The following KIF19 variants were observed in gnomAD, a reference collection of about 807,000 sequenced individuals.
The protein encoded by KIF19 is kinesin-like protein KIF19.
A neutral mutation model predicts 106.6 loss-of-function variants in KIF19; 98 were observed. The ratio of observed to expected loss-of-function variants is 0.92; its 90% CI spans 0.78 to 1.09. The LOEUF is 1.09. Among genes scored for constraint, KIF19 ranks in the 50% least tolerant of loss-of-function variants. KIF19 has a pLI of 0.00. For missense variants in KIF19, 1,373 were observed against 1,414.3 expected (o/e 0.97, Z 0.47); for synonymous variants, 516 against 584.2 (o/e 0.88, Z 1.68).
In KIF19 at chr17:74,350,524, G is replaced by C; in HGVS notation, c.1337G>C (p.Arg446Pro). ...VRRRLLELEN[R>P]AMEVQIDTSR... Reference sequence around the variant, plus strand: ...AGGCGCCTGCTGGAGCTGGAGAACCGCGCCATGGAGGTCCAGATTGACACC... The same window carrying C: ...AGGCGCCTGCTGGAGCTGGAGAACCCCGCCATGGAGGTCCAGATTGACACC... Residue 446 changes from arginine to proline, a missense_variant, in exon 11 of 20, where the codon CGC becomes CCC. Physicochemically the swap from Arg to Pro is moderately radical, Grantham distance 103. This residue lies in a region of KIF19 where 1,020 missense variants were observed against 1,008.2 expected (regional missense o/e 1.01). Coordinates refer to ENST00000389916, the MANE Select transcript of KIF19 (RefSeq NM_153209.4). 6.2e-7 allele frequency: 1 copy of C among 1,612,890 alleles called. No individual in the cohort carries two copies. Among genetic ancestry groups the C allele is most frequent in the Non-Finnish European group, 8.5e-7 (1 of 1,179,842 alleles).
At chr17:74,353,930 C>A (rs970044783) in intron 17 of KIF19, among the ~76,000 whole-genome samples, 3 of 152,194 alleles carry the variant, frequency 2.0e-5, no homozygotes, top group African/African-American at 7.2e-5. Flanking sequence ...TAGGTTGAGC[C>A]CATTTCCTCA....
rs762614044 is a variant in KIF19, at chr17:74,346,353, C to T, written c.778-25C>T. ...CAGTCCCCTGCCTCATCAGGCCACACGTGTGCCCTTTGCTCGCCCCCTAGA... is the reference window on the plus strand; with the variant it reads ...CAGTCCCCTGCCTCATCAGGCCACATGTGTGCCCTTTGCTCGCCCCCTAGA... On this transcript the variant is annotated intron_variant, in intron 7 of 19. Transcript: ENST00000389916. This position sits in a 1 kb window ranked among gnomAD's most constrained non-coding sequence, Gnocchi z 4.6. 8.7e-5 allele frequency: 136 copies of T among 1,561,654 alleles called. No individual in the cohort carries two copies. Among genetic ancestry groups the T allele is most frequent in the Non-Finnish European group, 1.1e-4 (129 of 1,153,116 alleles).
chr17:74,328,411 GT>G lies in KIF19; in HGVS notation c.40-10del. 6.2e-7 allele frequency: 1 copy of G among 1,600,390 alleles called. No homozygotes were observed. The highest frequency in any genetic ancestry group is 8.5e-7 in the Non-Finnish European group (1 of 1,174,700). ...CTCTCCCTCTAATCCCAGGGGCTTG[GT>G]TTTCCCTCCCAGGTGGCGCTTCGGG... On this transcript the variant is annotated splice_polypyrimidine_tract_variant and intron_variant, in intron 1 of 19. Coordinates refer to ENST00000389916, the MANE Select transcript of KIF19 (RefSeq NM_153209.4).
chr17:74,354,648 C>T, intron 18 of KIF19, 89 bp downstream of exon 18: 4 of 1,533,506 alleles, frequency 2.6e-6, no homozygotes, highest in Non-Finnish European at 3.5e-6. Flanking sequence ...TCCAGGGCAC[C>T]TCTAGCCTAC....
rs762571318 is a variant in KIF19 at position 74,344,742 on chromosome 17, TCTC to T, written c.583-14_583-12del. The T allele has an allele frequency of 5.0e-6, 8 of 1,593,636 alleles. No homozygotes were observed. In the South Asian group the frequency reaches 8.9e-5, roughly 18 times the overall value. On this transcript the variant is annotated splice_polypyrimidine_tract_variant and intron_variant, in intron 6 of 19. Transcript: ENST00000389916. ...CCTACGGCAGTCGCTAAGAGCTGCC[TCTC>T]CTCCCTCCCACCCAGATCATGCAGC...
Position 74,344,928 on chromosome 17 carries a change from C to A in KIF19, c.750C>A (p.Asp250Glu). The A allele has an allele frequency of 6.2e-7, 1 of 1,609,746 alleles. No homozygotes were observed. The highest frequency in any genetic ancestry group is 1.3e-5 in the African/African-American group (1 of 75,036). ...GGCAGGGCCGCCTGTTCATGATCGA[C>A]CTGGCTGGCTCAGAGCGCGCCTCGC... is the stretch of plus-strand genomic sequence containing the variant. ...EVRQGRLFMI[D>E]LAGSERASQT... The change falls in exon 7 of 20, where the codon GAC (aspartate) becomes GAA (glutamate). Residue 250 changes from aspartate (D) to glutamate (E), a missense_variant. Transcript: ENST00000389916.
chr17:74,330,563 ACT>A (rs547807959), intron 2 of KIF19, among the ~76,000 whole-genome samples: 2 of 151,710 alleles, frequency 1.3e-5, no homozygotes, highest in Non-Finnish European at 2.9e-5. Flanking sequence ...GACAATGCTG[ACT>A]CTCTCTCTGC....
chr17:74,335,677 G>T (rs1477518420), intron 2 of KIF19, among the ~76,000 whole-genome samples: 1 of 152,278 alleles, frequency 6.6e-6, no homozygotes, highest in Non-Finnish European at 1.5e-5. Context: ...TGCAGCAGCA[G>T]ATGGGCTTGG....
At chr17:74,349,074 T>A in intron 9 of KIF19, 110 bp from the exon 10 acceptor site, 1 of 1,082,094 alleles carries the variant, frequency 9.2e-7, no homozygotes, top group Non-Finnish European at 1.4e-6. Context: ...GCCATTACTG[T>A]CACCCAGAAA....
chr17:74,352,805 G>A lies in KIF19; in HGVS notation c.1981-16G>A, dbSNP rs559101964. ...CCAAATCTTCTAACTGTCCACCCTG[G>A]CTCCCTCCTCCCCAGGACAGCTCCT... On this transcript the variant is annotated splice_polypyrimidine_tract_variant and intron_variant, in intron 14 of 19. Transcript: ENST00000389916. The A allele has an allele frequency of 6.2e-7, 1 of 1,613,772 alleles. No homozygotes were observed. The highest frequency in any genetic ancestry group is 1.7e-5 in the Admixed American group (1 of 60,016).
In KIF19 at chr17:74,346,798, A is replaced by AC. The variant is rs1285649246; in HGVS notation, c.924+279dup. ...ATGGGAAGGAAAAGGAGCACGTGAT[A>AC]CCCCCACCCAGGGCTGTGGGTCAGA... On this transcript the variant is annotated intron_variant, in intron 8 of 19. Transcript: ENST00000389916. This position sits in a 1 kb window ranked among gnomAD's most constrained non-coding sequence, Gnocchi z 4.6. 6.6e-6 allele frequency among the ~76,000 whole-genome samples: 1 copy of AC among 152,156 alleles called. No individual in the cohort carries two copies. The highest frequency in any genetic ancestry group is 1.5e-5 in the Non-Finnish European group (1 of 68,026).
chr17:74,345,581 G>A (rs903201416), intron 7 of KIF19, among the ~76,000 whole-genome samples: 1 of 150,522 alleles, frequency 6.6e-6, no homozygotes, highest in East Asian at 2.0e-4. Flanking sequence ...GCTGGTGTAG[G>A]TCTGGGCTCC....
intron 14 of KIF19, 126 bp from the exon 15 acceptor site, chr17:74,352,695 C>T: frequency 8.3e-7 from 1 of 1,204,718 alleles, no homozygotes; most frequent in Non-Finnish European, 1.2e-6. Context: ...AACACAAGCC[C>T]ACTGCCCTTC....
At chr17:74,332,955 C>T (rs1422151266) in intron 2 of KIF19, among the ~76,000 whole-genome samples, 1 of 152,194 alleles carries the variant, frequency 6.6e-6, no homozygotes, top group Admixed American at 6.5e-5. Flanking sequence ...ACCCCGAGAG[C>T]TGTCGAGAGG....
intron 1 of KIF19, 76 bp downstream of exon 1, chr17:74,326,464 TC>T: frequency 7.0e-7 from 1 of 1,428,552 alleles, no homozygotes; most frequent in Non-Finnish European, 9.8e-7. Context: ...CAGAGTCCTG[TC>T]CCCTCGCCGC....
At chr17:74,338,146 G>T (rs183412343) in intron 2 of KIF19, among the ~76,000 whole-genome samples, 77 of 152,348 alleles carry the variant, frequency 5.1e-4, no homozygotes, top group Admixed American at 5.0e-3. Flanking sequence ...TAGCACTGAA[G>T]GCCCCCCTCC....
At position 74,353,071 on chromosome 17, in the gene KIF19, G is replaced by C; in HGVS notation, c.2114+117G>C. On this transcript the variant is annotated intron_variant, in intron 15 of 19. Transcript: ENST00000389916. ...GCAATGAGAGGGAGCAGGTGGCCCA[G>C]GTCTGGAGCCAGGACTCCTGGGTTC... 8 of 1,441,510 alleles carry C rather than the reference G, an allele frequency of 5.5e-6. No homozygotes were observed. In the South Asian group the frequency reaches 8.4e-5, roughly 15 times the overall value. 89.3% of individuals were successfully genotyped at this position (1,441,510 alleles called of 1,614,324 possible).
rs754744744 is a variant in KIF19 at position 74,351,986 on chromosome 17, G to T, written c.1707G>T (p.Val569=). Residue 569 remains valine (V), a synonymous_variant, in exon 13 of 20, where the codon GTG becomes GTT. Coordinates refer to ENST00000389916, the MANE Select transcript of KIF19 (RefSeq NM_153209.4). ...AGGTGCTCAGCCTGCTGTGCCGCGT[G>T]CACGAGCTCGAGGTGGAGAACACCG... ...QREVLSLLCR[V]HELEVENTEM... The T allele has an allele frequency of 1.3e-6, 2 of 1,538,336 alleles. No homozygotes were observed. The highest frequency in any genetic ancestry group is 1.9e-4 in the Middle Eastern group (1 of 5,162).
intron 12 of KIF19, 70 bp from the exon 13 acceptor site, chr17:74,351,797 C>G: frequency 1.5e-6 from 2 of 1,356,330 alleles, no homozygotes; most frequent in Non-Finnish European, 9.4e-7. Context: ...GCTGGAGGGT[C>G]GAGGACGAGC....
Sources: gnomAD v4.1 joint callset for allele counts (sites outside exome capture counted in the v4.1 genomes callset) on GRCh38, gnomAD v4.1.1 for gene constraint, gnomAD v4.1.1 regional missense constraint, Gnocchi (gnomAD v3.1) non-coding constraint, MANE v1.5 for transcripts, NCBI Gene and HGNC (gene_info 2026-07-23, HGNC 2026-07-21) for gene names.